The following AP1G2 variants were observed in gnomAD, a reference collection of about 807,000 sequenced individuals.
The protein encoded by AP1G2 is AP-1 complex subunit gamma-like 2.
A neutral mutation model predicts 95.8 loss-of-function variants in AP1G2; 85 were observed. The observed-to-expected ratio is 0.89, with a 90% CI of 0.74 to 1.06. The LOEUF (loss-of-function observed/expected upper bound fraction) is 1.06, where lower values mean the gene tolerates loss of function less well. Ranked by LOEUF, AP1G2 falls within the 50% of genes least tolerant of loss-of-function variation. The probability of loss-of-function intolerance (pLI) is 0.00; values close to 1 mark genes in which losing one functional copy is unlikely to be tolerated. For missense variants in AP1G2, 967 were observed against 1,005.8 expected (o/e 0.96, Z 0.52); for synonymous variants, 378 against 400.0 (o/e 0.94, Z 0.66).
rs1417169811 is a variant in AP1G2 at position 23,560,292 on chromosome 14, T to G, written c.2120A>C (p.Asp707Ala). The G allele has an allele frequency of 6.2e-7, 1 of 1,613,810 alleles. No homozygotes were observed. The highest frequency in any genetic ancestry group is 8.5e-7 in the Non-Finnish European group (1 of 1,180,024). The change falls in exon 20 of 22, where the codon GAT (aspartate) becomes GCT (alanine). Residue 707 changes from aspartate to alanine, a missense_variant. By Grantham distance (126) the Asp-to-Ala change is moderately radical. Transcript: ENST00000397120. ...TITATNFSEG[D>A]VTHFICQAAV... Reference sequence around the variant, plus strand: ...AGCCTGGCAGATGAAATGGGTGACATCACCCTCTGAGAAGTTGGTGGCAGT... The same window carrying G: ...AGCCTGGCAGATGAAATGGGTGACAGCACCCTCTGAGAAGTTGGTGGCAGT...
chr14:23,560,035 C>T lies in AP1G2; in HGVS notation c.2159G>A (p.Ser720Asn). ...GGGGGCCTGCAGCTGCAGCTGGAGACTCTGAACACAGGAGTTTAACAGAGC... is the reference window on the plus strand; with the variant it reads ...GGGGGCCTGCAGCTGCAGCTGGAGATTCTGAACACAGGAGTTTAACAGAGC... ...HFICQAAVPK[S>N]LQLQLQAPSG... is the part of the protein sequence containing the mutation. Residue 720 changes from serine to asparagine, a missense_variant and splice_region_variant, in exon 21 of 22, where the codon AGT becomes AAT. Ser to Asn is a conservative substitution (Grantham distance 46). Transcript: ENST00000397120. 1 of 1,600,410 alleles carries T rather than the reference C, an allele frequency of 6.2e-7. No homozygotes were observed. The highest frequency in any genetic ancestry group is 8.5e-7 in the Non-Finnish European group (1 of 1,170,386).
At chr14:23,564,813 G>A in intron 8 of AP1G2, 153 bp from the exon 9 acceptor site, 1 of 709,264 alleles carries the variant, frequency 1.4e-6, no homozygotes. Context: ...GAGTGGCTGG[G>A]ACTACAGGCA....
In AP1G2 at chr14:23,561,358, T is replaced by A. The variant is rs1318767227; in HGVS notation, c.1931A>T (p.Asp644Val). The change falls in exon 19 of 22, where the codon GAC (aspartate) becomes GTC (valine). Residue 644 changes from aspartate (D) to valine (V), a missense_variant. By Grantham distance (152) the Asp-to-Val change is radical. Transcript: ENST00000397120. ...TACCAGGGCACCTCCTGGGGAGGGG[T>A]CCAGATGGGGAGGATGCTGGACATC... Reference protein sequence around the residue: ...SGDVQHPPHLDPSPGGALVHL... With the variant: ...SGDVQHPPHLVPSPGGALVHL... The A allele has an allele frequency of 2.5e-6, 4 of 1,592,768 alleles. No homozygotes were observed. The highest frequency in any genetic ancestry group is 3.4e-6 in the Non-Finnish European group (4 of 1,167,982).
rs1885483595 is a variant in AP1G2, at chr14:23,562,597, C to A, written c.1411-4G>T. 6.2e-7 allele frequency: 1 copy of A among 1,613,270 alleles called. No individual in the cohort carries two copies. The highest frequency in any genetic ancestry group is 1.1e-5 in the South Asian group (1 of 90,996). ...CTGCCACCTGCACCAGTGGTTGCTA[C>A]ATGGGATAAGAAACTGCTGGGCTGG... On this transcript the variant is annotated splice_polypyrimidine_tract_variant and splice_region_variant and intron_variant, in intron 14 of 21. Coordinates refer to ENST00000397120, the MANE Select transcript of AP1G2 (RefSeq NM_003917.5).
intron 8 of AP1G2, 111 bp downstream of exon 8, chr14:23,565,008 G>T: frequency 1.0e-6 from 1 of 1,001,556 alleles, no homozygotes; most frequent in Non-Finnish European, 1.6e-6. Flanking sequence ...GTCTAGAGGA[G>T]ATGGAGAGGC....
Position 23,566,123 on chromosome 14 carries a change from G to T in AP1G2, c.509C>A (p.Pro170His), listed in dbSNP as rs1887809885. 8.1e-6 allele frequency: 13 copies of T among 1,610,418 alleles called. No individual in the cohort carries two copies. The highest frequency in any genetic ancestry group is 1.1e-5 in the Non-Finnish European group (13 of 1,177,694). The change falls in exon 5 of 22, where the codon CCT (proline) becomes CAT (histidine). Residue 170 changes from proline (P) to histidine (H), a missense_variant. Transcript: ENST00000397120. ...LTAVHMIRKV[P>H]ELSSVFLPPC... ...TGGGAGGAAGACACTGGAGAGTTCA[G>T]GGACCTTCCGGATCATGTGCACTGC... is the stretch of plus-strand genomic sequence containing the variant.
chr14:23,567,706 GACAGCCTGCCTACC>G lies in AP1G2; in HGVS notation c.-6+19_-6+32del. On this transcript the variant is annotated intron_variant, in intron 1 of 21. Transcript: ENST00000397120. The surrounding 1 kb of genome is among the most constrained non-coding windows in gnomAD (Gnocchi z 5.3). ...CATCTCAGGCAGCGGCAGCGGCAGCGACAGCCTGCCTACCCCAGGACTCCAGCCTCACCTGGCTT... is the reference window on the plus strand; with the variant it reads ...CATCTCAGGCAGCGGCAGCGGCAGCGCCAGGACTCCAGCCTCACCTGGCTT... The G allele has an allele frequency of 9.6e-7, 1 of 1,041,452 alleles. No individual in the cohort carries two copies. Among genetic ancestry groups the G allele is most frequent in the African/African-American group, 1.7e-5 (1 of 58,118 alleles). The allele number at this position is 1,041,452 out of a possible 1,614,324, so 64.5% of individuals were successfully genotyped here. A position where few individuals can be genotyped will look rare whatever the true frequency, so the allele number is the denominator to read the frequency against.
rs1423178798 is a variant in AP1G2 at position 23,559,723 on chromosome 14, G to A, written c.*26C>T. 1 of 1,611,200 alleles carries A rather than the reference G, an allele frequency of 6.2e-7. No homozygotes were observed. Among genetic ancestry groups the A allele is most frequent in the Non-Finnish European group, 8.5e-7 (1 of 1,178,040 alleles). ...GCCCCCTGGGGTTTGGGACACAGGAGAATTTCAGGCTGTGAGTGGAGACAG... is the reference window on the plus strand; with the variant it reads ...GCCCCCTGGGGTTTGGGACACAGGAAAATTTCAGGCTGTGAGTGGAGACAG... On this transcript the variant is annotated 3_prime_UTR_variant, in exon 22 of 22. Transcript: ENST00000397120.
Position 23,562,037 on chromosome 14 carries a change from C to A in AP1G2, c.1658G>T (p.Gly553Val). Residue 553 changes from glycine to valine, a missense_variant, in exon 17 of 22, where the codon GGG (glycine) becomes GTG (valine). Transcript: ENST00000397120. ...CTGCAGCTCCACGTCCAAGCAGCTC[C>A]CGTAGATGGACACCACCTGGCGGAT... ...NRIRQVVSIYGSCLDVELQQR... is the reference protein window; with the variant it reads ...NRIRQVVSIYVSCLDVELQQR... The A allele has an allele frequency of 6.2e-7, 1 of 1,613,778 alleles. No homozygotes were observed. Among genetic ancestry groups the A allele is most frequent in the Non-Finnish European group, 8.5e-7 (1 of 1,179,906 alleles).
Position 23,566,338 on chromosome 14 carries a change from TCGG to T in AP1G2, c.408_410del (p.Cys136_Arg137delinsTer). Reference sequence around the variant, plus strand: ...GTTTCTCCACCTCTGGGGCCAGGTCTCGGCACATCTCAGCAGAGCCCATGGTGC... The same window carrying T: ...GTTTCTCCACCTCTGGGGCCAGGTCTCACATCTCAGCAGAGCCCATGGTGC... On this transcript the variant is annotated stop_gained and inframe_deletion, in exon 4 of 22. Coordinates refer to ENST00000397120, the MANE Select transcript of AP1G2 (RefSeq NM_003917.5). LOFTEE classifies it high-confidence loss of function. 1 of 1,613,990 alleles carries T rather than the reference TCGG, an allele frequency of 6.2e-7. No individual in the cohort carries two copies. Among genetic ancestry groups the T allele is most frequent in the East Asian group, 2.2e-5 (1 of 44,870 alleles).
Position 23,565,102 on chromosome 14 carries a change from G to A in AP1G2, c.822+17C>T. ...TCTCCAAGCAACACAGCTAACCAGT[G>A]CCCTCCCAGGCCCCACCTGGGCCAG... On this transcript the variant is annotated intron_variant, in intron 8 of 21. Coordinates refer to ENST00000397120, the MANE Select transcript of AP1G2 (RefSeq NM_003917.5). 6.2e-7 allele frequency: 1 copy of A among 1,613,734 alleles called. No homozygotes were observed. Among genetic ancestry groups the A allele is most frequent in the Non-Finnish European group, 8.5e-7 (1 of 1,179,598 alleles).
chr14:23,567,364 C>T lies in AP1G2; in HGVS notation c.-5-45G>A, dbSNP rs778882439. The stretch of plus-strand genomic sequence containing the variant: ...GAGAAACACTCTCTGGTCGGGCGTG[C>T]CTGGGCTTTCGGCCCAGGCCCGTCC... On this transcript the variant is annotated intron_variant, in intron 1 of 21. Transcript: ENST00000397120. The surrounding 1 kb of genome is among the most constrained non-coding windows in gnomAD (Gnocchi z 5.3). 23 of 1,541,078 alleles carry T rather than the reference C, an allele frequency of 1.5e-5. No individual in the cohort carries two copies. In the Admixed American group the frequency reaches 2.5e-4, roughly 17 times the overall value.
rs759113003 is a variant in AP1G2 at position 23,559,826 on chromosome 14, G to C, written c.2281C>G (p.Leu761Val). 8 of 1,614,036 alleles carry C rather than the reference G, an allele frequency of 5.0e-6. No individual in the cohort carries two copies. The highest frequency in any genetic ancestry group is 3.3e-5 in the Admixed American group (2 of 60,008). Residue 761 changes from leucine (L) to valine (V), a missense_variant, in exon 22 of 22, where the codon CTC (leucine) becomes GTC (valine). By Grantham distance (32) the Leu-to-Val change is conservative. Coordinates refer to ENST00000397120, the MANE Select transcript of AP1G2 (RefSeq NM_003917.5). ...GACTGGTGAAAGTGGTCGTAGGTGA[G>C]GCGCAGCTTTAGCCGCAGGGGGGCC... Reference protein sequence around the residue: ...NKAPLRLKLRLTYDHFHQSVQ... With the variant: ...NKAPLRLKLRVTYDHFHQSVQ...
At position 23,564,270 on chromosome 14, in the gene AP1G2, G is replaced by A. The variant is rs1034349449; in HGVS notation, c.977+63C>T. 1.4e-5 allele frequency: 23 copies of A among 1,613,798 alleles called. No homozygotes were observed. The African/African-American group carries it at 2.8e-4, about 20-fold the overall frequency. Reference sequence around the variant, plus strand: ...GAGAAATGGATCAGGAGGCTCTGGAGGAAGGAGGGCAGAGGGCCAGGGGAT... The same window carrying A: ...GAGAAATGGATCAGGAGGCTCTGGAAGAAGGAGGGCAGAGGGCCAGGGGAT... On this transcript the variant is annotated intron_variant, in intron 10 of 21. Transcript: ENST00000397120.
chr14:23,566,699 G>T lies in AP1G2; in HGVS notation c.205-13C>A. The T allele has an allele frequency of 6.2e-7, 1 of 1,613,000 alleles. No homozygotes were observed. Among genetic ancestry groups the T allele is most frequent in the Non-Finnish European group, 8.5e-7 (1 of 1,179,054 alleles). On this transcript the variant is annotated splice_polypyrimidine_tract_variant and intron_variant, in intron 2 of 21. Coordinates refer to ENST00000397120, the MANE Select transcript of AP1G2 (RefSeq NM_003917.5). The stretch of plus-strand genomic sequence containing the variant: ...TCAGGCACTCCATCTATAGTGAAGG[G>T]GGCAGACCAGGAAGAGGCAGGGGTG...
chr14:23,564,897 T>C, intron 8 of AP1G2: 2 of 630,986 alleles, frequency 3.2e-6, no homozygotes, highest in South Asian at 3.9e-5. Context: ...CCTTCAACCA[T>C]CCAACAAAGT....
rs992257145 is a variant in AP1G2 at position 23,567,169 on chromosome 14, C to T, written c.146G>A (p.Arg49Gln). 6.2e-7 allele frequency: 1 copy of T among 1,613,142 alleles called. No individual in the cohort carries two copies. Among genetic ancestry groups the T allele is most frequent in the Non-Finnish European group, 8.5e-7 (1 of 1,179,476 alleles). Residue 49 changes from arginine (R) to glutamine (Q), a missense_variant, in exon 2 of 22, where the codon CGG (arginine) becomes CAG (glutamine). By Grantham distance (43) the Arg-to-Gln change is conservative. Coordinates refer to ENST00000397120, the MANE Select transcript of AP1G2 (RefSeq NM_003917.5). This position sits in a 1 kb window ranked among gnomAD's most constrained non-coding sequence, Gnocchi z 5.3. Reference sequence around the variant, plus strand: ...GACGTAGAGCAGTTTGGCCAGCTGCCGGTGCCTGTGCACTGGGTCCCCGTC... The same window carrying T: ...GACGTAGAGCAGTTTGGCCAGCTGCTGGTGCCTGTGCACTGGGTCCCCGTC... ...FRDGDPVHRH[R>Q]QLAKLLYVHM... is the part of the protein sequence containing the mutation.
At chr14:23,563,669 AC>A (rs781697725) in intron 12 of AP1G2, 31 bp from the exon 13 acceptor site, 4 of 1,614,044 alleles carry the variant, frequency 2.5e-6, no homozygotes, top group Non-Finnish European at 3.4e-6. Context: ...CAGTCCTGGT[AC>A]TGACGCTCCC....
chr14:23,560,967 GA>G (rs1884230492), intron 19 of AP1G2: 2 of 507,976 alleles, frequency 3.9e-6, no homozygotes, highest in African/African-American at 4.0e-5. Flanking sequence ...ATGTGCTGGG[GA>G]AAGAACATTC....
Sources: gnomAD v4.1 joint callset for allele counts on GRCh38, gnomAD v4.1.1 for gene constraint, Gnocchi (gnomAD v3.1) non-coding constraint, MANE v1.5 for transcripts, NCBI Gene and HGNC (gene_info 2026-07-23, HGNC 2026-07-21) for gene names.